The following TAFA1 variants were observed in gnomAD, a reference collection of about 807,000 sequenced individuals.
TAFA1 encodes chemokine-like protein TAFA-1.
Under a neutral mutation model 18.5 loss-of-function variants are expected in TAFA1, and 4 were observed. That is an observed-to-expected ratio of 0.22 (90% CI 0.11 to 0.49). The LOEUF (loss-of-function observed/expected upper bound fraction) is 0.49. Ranked by LOEUF, TAFA1 falls within the 20% of genes least tolerant of loss-of-function variation. TAFA1 has a pLI of 0.98. For synonymous variants in TAFA1, 56 were observed against 55.2 expected (o/e 1.01, Z -0.06); for missense variants, 147 against 169.0 (o/e 0.87, Z 0.72).
At chr3:68,480,411 T>TA (rs34324836) in intron 3 of TAFA1, among the ~76,000 whole-genome samples, 101,123 of 151,046 alleles carry the variant, frequency 0.67, 34,489 homozygotes, top group Non-Finnish European at 0.73. Context: ...TCAAAAAACA[T>TA]AAAAAAAAGA....
At chr3:68,021,015 A>G (rs1704676609) in intron 2 of TAFA1, among the ~76,000 whole-genome samples, 6 of 151,626 alleles carry the variant, frequency 4.0e-5, no homozygotes, top group Admixed American at 3.3e-4. Flanking sequence ...GTGAAACCCC[A>G]TCTCTACTAA....
chr3:68,461,809 C>T (rs2071787567), intron 3 of TAFA1, among the ~76,000 whole-genome samples: 1 of 151,970 alleles, frequency 6.6e-6, no homozygotes, highest in Non-Finnish European at 1.5e-5. Context: ...TTTTCTGATA[C>T]TCCACCCTGT....
At chr3:68,098,709 TA>T (rs1291008383) in intron 2 of TAFA1, among the ~76,000 whole-genome samples, 3 of 152,104 alleles carry the variant, frequency 2.0e-5, no homozygotes, top group Non-Finnish European at 4.4e-5. Context: ...AAAGCAATCC[TA>T]AGCAAAAAGA....
chr3:68,043,882 A>C (rs1350886623), intron 2 of TAFA1, among the ~76,000 whole-genome samples: 1 of 152,130 alleles, frequency 6.6e-6, no homozygotes. Context: ...TCTAGGGTAC[A>C]TGTGCACAAT....
chr3:68,147,786 T>C (rs762285176), intron 2 of TAFA1, among the ~76,000 whole-genome samples: 6 of 152,196 alleles, frequency 3.9e-5, no homozygotes, highest in Non-Finnish European at 7.3e-5. Flanking sequence ...TGAACTTCTC[T>C]AGATGTCCTG....
At chr3:68,304,953 T>C (rs1274689725) in intron 2 of TAFA1, among the ~76,000 whole-genome samples, 3 of 152,156 alleles carry the variant, frequency 2.0e-5, no homozygotes, top group African/African-American at 7.2e-5. Context: ...TTACCTCTCC[T>C]CCTGCAAACT....
At position 68,287,736 on chromosome 3, in the gene TAFA1, C is replaced by T. The variant is rs182749345; in HGVS notation, c.119-129544C>T. On this transcript the variant is annotated intron_variant, in intron 2 of 4. Transcript: ENST00000478136. ...GATGTTTCCTGGCTTGCATTGCGCA[C>T]TATATAAACTTCCAATTAGGGCTAT... is the stretch of plus-strand genomic sequence containing the variant. Among the ~76,000 whole-genome samples, 49 of 152,214 alleles carry T rather than the reference C, an allele frequency of 3.2e-4. No individual in the cohort carries two copies. The East Asian group carries it at 3.7e-3, about 11-fold the overall frequency.
intron 3 of TAFA1, among the ~76,000 whole-genome samples, chr3:68,525,418 G>A (rs1559705569): frequency 6.6e-6 from 1 of 152,190 alleles, no homozygotes; most frequent in East Asian, 1.9e-4. Context: ...CCTATTTTAA[G>A]TAGTGCTGAG....
intron 2 of TAFA1, among the ~76,000 whole-genome samples, chr3:68,386,224 C>G (rs2070101244): frequency 6.6e-6 from 1 of 152,138 alleles, no homozygotes. Flanking sequence ...GAAACAAAGA[C>G]TCAGATTTAC....
In TAFA1 at chr3:68,264,742, A is replaced by C. The variant is rs140388554; in HGVS notation, c.119-152538A>C. On this transcript the variant is annotated intron_variant, in intron 2 of 4. Transcript: ENST00000478136. ...CTATAAAGAAATTTATATTCTATAT[A>C]ATTTCTATAAAGAAATTATAAAGAC... Among the ~76,000 whole-genome samples the C allele has an allele frequency of 4.2e-3, 633 of 152,016 alleles. 8 individuals are homozygous for C. Among genetic ancestry groups the C allele is most frequent in the African/African-American group, 0.014 (597 of 41,542 alleles).
chr3:68,395,541 C>CT (rs1321291511), intron 2 of TAFA1, among the ~76,000 whole-genome samples: 2 of 152,090 alleles, frequency 1.3e-5, no homozygotes, highest in Non-Finnish European at 2.9e-5. Flanking sequence ...CAAGAGCAAA[C>CT]ACTTGCTAAC....
chr3:68,363,380 C>T (rs1406275497), intron 2 of TAFA1, among the ~76,000 whole-genome samples: 5 of 152,100 alleles, frequency 3.3e-5, no homozygotes, highest in Non-Finnish European at 7.4e-5. Context: ...TGCTAAATGG[C>T]TTACATAAAT....
At chr3:68,484,532 A>C (rs1235085706) in intron 3 of TAFA1, among the ~76,000 whole-genome samples, 1 of 152,168 alleles carries the variant, frequency 6.6e-6, no homozygotes, top group Non-Finnish European at 1.5e-5. Context: ...GGAGGTTGGC[A>C]TGAGCAACTA....
intron 2 of TAFA1, among the ~76,000 whole-genome samples, chr3:68,098,144 C>T (rs2065108763): frequency 6.6e-6 from 1 of 152,148 alleles, no homozygotes. Flanking sequence ...TCAAATGAAA[C>T]TTGCAGTAGA....
intron 2 of TAFA1, among the ~76,000 whole-genome samples, chr3:68,027,108 C>T (rs1435353655): frequency 6.6e-6 from 1 of 152,072 alleles, no homozygotes; most frequent in African/African-American, 2.4e-5. Context: ...AAGAAACCAC[C>T]TGCATGATCC....
At chr3:68,347,005 G>T (rs536871806) in intron 2 of TAFA1, among the ~76,000 whole-genome samples, 106 of 152,218 alleles carry the variant, frequency 7.0e-4, no homozygotes, top group African/African-American at 2.4e-3. Context: ...AGGTTCTTTT[G>T]CATTAGTCCA....
chr3:68,376,606 G>T (rs113739961), intron 2 of TAFA1, among the ~76,000 whole-genome samples: 1 of 152,014 alleles, frequency 6.6e-6, no homozygotes, highest in African/African-American at 2.4e-5. Context: ...TTACAGCTGC[G>T]TAGTATTCCA....
chr3:68,162,382 G>A (rs554582877), intron 2 of TAFA1, among the ~76,000 whole-genome samples: 4 of 152,204 alleles, frequency 2.6e-5, no homozygotes, highest in Admixed American at 6.5e-5. Flanking sequence ...TTGCTCACAT[G>A]CACAGTTCAC....
At chr3:68,107,524 T>C (rs1201907286) in intron 2 of TAFA1, among the ~76,000 whole-genome samples, 3 of 152,104 alleles carry the variant, frequency 2.0e-5, no homozygotes, top group Non-Finnish European at 4.4e-5. Context: ...AGCACAAACA[T>C]GAATGAAGCT....
Sources: allele counts gnomAD v4.1 joint callset (sites outside exome capture counted in the v4.1 genomes callset), GRCh38; gene constraint gnomAD v4.1.1; transcripts MANE v1.5; gene names NCBI Gene and HGNC (gene_info 2026-07-23, HGNC 2026-07-21).